The following ABCA13 variants were observed in gnomAD, a reference collection of about 807,000 sequenced individuals.
The protein encoded by ABCA13 is ATP-binding cassette sub-family A member 13.
A neutral mutation model predicts 478.7 loss-of-function variants in ABCA13; 476 were observed. The observed-to-expected ratio is 0.99, with a 90% CI of 0.92 to 1.07. The LOEUF (loss-of-function observed/expected upper bound fraction) is 1.07, where lower values mean the gene tolerates loss of function less well. Ranked by LOEUF, ABCA13 falls within the 50% of genes least tolerant of loss-of-function variation. The probability of loss-of-function intolerance (pLI) is 0.00; values close to 1 mark genes in which losing one functional copy is unlikely to be tolerated. For missense variants in ABCA13, 6,060 were observed against 5,910.6 expected, an observed-to-expected ratio of 1.03 and a Z score of -0.83; for synonymous variants, 2,252 against 2,158.9, an observed-to-expected ratio of 1.04 and a Z score of -1.20.
At chr7:48,252,488 C>T (rs1049022740) in intron 15 of ABCA13, among the ~76,000 whole-genome samples, 4 of 152,190 alleles carry the variant, frequency 2.6e-5, no homozygotes, top group Non-Finnish European at 4.4e-5. Flanking sequence ...CCTATTGTTC[C>T]TAGGCCACAA....
chr7:48,198,101 C>CTTTGT, intron 2 of ABCA13, 136 bp from the exon 3 acceptor site: 1 of 914,016 alleles, frequency 1.1e-6, no homozygotes, highest in South Asian at 2.7e-5. Flanking sequence ...TGTCTGAGCC[C>CTTTGT]TTAGATCTCC....
In ABCA13 at chr7:48,413,763, A is replaced by G. The variant is rs529697377; in HGVS notation, c.12459+1180A>G. 4.6e-5 allele frequency among the ~76,000 whole-genome samples: 7 copies of G among 152,372 alleles called. No homozygotes were observed. The South Asian group carries it at 1.4e-3, about 32-fold the overall frequency. Reference sequence around the variant, plus strand: ...CAAGTTTTGTCTGGAATAAATAGTCATAAAAGATTGTGAAACATAAAAAAT... The same window carrying G: ...CAAGTTTTGTCTGGAATAAATAGTCGTAAAAGATTGTGAAACATAAAAAAT... On this transcript the variant is annotated intron_variant, in intron 41 of 61. Coordinates refer to ENST00000435803, the MANE Select transcript of ABCA13 (RefSeq NM_152701.5).
intron 35 of ABCA13, among the ~76,000 whole-genome samples, chr7:48,387,094 T>G (rs1005256826): frequency 6.6e-6 from 1 of 152,098 alleles, no homozygotes; most frequent in African/African-American, 2.4e-5. Context: ...ATCTCTCTTC[T>G]GCTTGATGAT....
intron 55 of ABCA13, among the ~76,000 whole-genome samples, chr7:48,573,239 CT>C (rs960596269): frequency 6.6e-6 from 1 of 152,040 alleles, no homozygotes; most frequent in East Asian, 1.9e-4. Context: ...TCTTTTTCCT[CT>C]TTTTTGTTCA....
At chr7:48,240,768 G>A (rs768354934) in intron 9 of ABCA13, 99 bp from the exon 10 acceptor site, 8 of 939,736 alleles carry the variant, frequency 8.5e-6, no homozygotes, top group Non-Finnish European at 1.1e-5. Context: ...AAGATTGGCT[G>A]TCTGTCATCT....
chr7:48,318,510 GTT>G (rs71991953), intron 27 of ABCA13, among the ~76,000 whole-genome samples: 52 of 133,870 alleles, frequency 3.9e-4, no homozygotes, highest in African/African-American at 1.0e-3. Flanking sequence ...TAACTTTTTA[GTT>G]TTTTTTTTTT....
At chr7:48,314,672 C>T (rs1477202245) in intron 26 of ABCA13, among the ~76,000 whole-genome samples, 1 of 152,148 alleles carries the variant, frequency 6.6e-6, no homozygotes, top group Non-Finnish European at 1.5e-5. Flanking sequence ...ACCCCAGCCC[C>T]ATTGGTTTCC....
In ABCA13 at chr7:48,289,610, C is replaced by T. The variant is rs560519604; in HGVS notation, c.8955+1532C>T. 4.6e-5 allele frequency among the ~76,000 whole-genome samples: 7 copies of T among 152,196 alleles called. No homozygotes were observed. In the South Asian group the frequency reaches 1.5e-3, roughly 32 times the overall value. On this transcript the variant is annotated intron_variant, in intron 20 of 61. Transcript: ENST00000435803. Reference sequence around the variant, plus strand: ...TCCTGATCTCGTGATCTGCCCACCTCGACCTCCCAAAGTGCTGGGATTACA... The same window carrying T: ...TCCTGATCTCGTGATCTGCCCACCTTGACCTCCCAAAGTGCTGGGATTACA...
intron 59 of ABCA13, 77 bp downstream of exon 59, chr7:48,615,454 CT>C: frequency 7.6e-7 from 1 of 1,309,988 alleles, no homozygotes; most frequent in Non-Finnish European, 1.1e-6. Flanking sequence ...ACTGGAGATG[CT>C]TTAGAGGCAA....
intron 37 of ABCA13, among the ~76,000 whole-genome samples, chr7:48,391,709 G>A (rs1816077967): frequency 1.3e-5 from 2 of 152,108 alleles, no homozygotes; most frequent in East Asian, 3.9e-4. Flanking sequence ...ATTTCATGTG[G>A]TAGCATAACA....
rs1429632036 is a variant in ABCA13 at position 48,330,786 on chromosome 7, C to A, written c.10000-4636C>A. 5.4e-5 allele frequency among the ~76,000 whole-genome samples: 8 copies of A among 148,972 alleles called. No homozygotes were observed. The Admixed American group carries it at 5.4e-4, about 10-fold the overall frequency. On this transcript the variant is annotated intron_variant, in intron 27 of 61. Coordinates refer to ENST00000435803, the MANE Select transcript of ABCA13 (RefSeq NM_152701.5). ...CCATCCATCCATCCATCCATCTATA[C>A]ATTAATCCATTTATTCATCTATCCT...
At chr7:48,419,397 T>A (rs73325734) in intron 41 of ABCA13, among the ~76,000 whole-genome samples, 11 of 152,374 alleles carry the variant, frequency 7.2e-5, no homozygotes, top group African/African-American at 2.2e-4. Context: ...TCTTAAAAAA[T>A]TTATATTTAT....
At chr7:48,288,621 G>C (rs1181739979) in intron 20 of ABCA13, among the ~76,000 whole-genome samples, 1 of 146,238 alleles carries the variant, frequency 6.8e-6, no homozygotes, top group African/African-American at 2.5e-5. Flanking sequence ...ATGGAAATTG[G>C]CAAGTGCTCC....
intron 59 of ABCA13, among the ~76,000 whole-genome samples, chr7:48,618,233 C>T (rs1466784699): frequency 6.6e-6 from 1 of 152,202 alleles, no homozygotes; most frequent in East Asian, 1.9e-4. Context: ...CCTGACTCTG[C>T]TCTGATTCTC....
chr7:48,425,499 T>TA (rs1821277750), intron 41 of ABCA13, among the ~76,000 whole-genome samples: 1 of 152,160 alleles, frequency 6.6e-6, no homozygotes, highest in African/African-American at 2.4e-5. Flanking sequence ...GGTGAAGACT[T>TA]ACTGCACTAA....
intron 20 of ABCA13, among the ~76,000 whole-genome samples, chr7:48,288,391 A>G (rs942680180): frequency 1.3e-5 from 2 of 152,242 alleles, no homozygotes; most frequent in African/African-American, 4.8e-5. Context: ...GATGAAATAA[A>G]TCATGTTAGA....
chr7:48,296,004 A>T (rs1295949070), intron 21 of ABCA13, 141 bp downstream of exon 21: 5 of 1,133,098 alleles, frequency 4.4e-6, no homozygotes, highest in Non-Finnish European at 5.8e-6. Flanking sequence ...TTTTCCAAAC[A>T]TCAAAGTTTT....
At chr7:48,366,614 G>A (rs1177861809) in intron 31 of ABCA13, among the ~76,000 whole-genome samples, 3 of 152,058 alleles carry the variant, frequency 2.0e-5, no homozygotes, top group Admixed American at 6.6e-5. Context: ...GGCGGAAAGT[G>A]TAAGGGGAAG....
At chr7:48,189,877 T>C (rs1420165308) in intron 1 of ABCA13, among the ~76,000 whole-genome samples, 2 of 152,196 alleles carry the variant, frequency 1.3e-5, no homozygotes, top group Admixed American at 1.3e-4. Flanking sequence ...AAGGCTGAAT[T>C]CTTTAATTAA....
Sources: gnomAD v4.1 joint callset for allele counts (sites outside exome capture counted in the v4.1 genomes callset) on GRCh38, gnomAD v4.1.1 for gene constraint, MANE v1.5 for transcripts, NCBI Gene and HGNC (gene_info 2026-07-23, HGNC 2026-07-21) for gene names.